Variants in XRCC4 observed in about 807,000 individuals in gnomAD.
XRCC4 encodes the protein X-ray repair cross complementing 4.
XRCC4 carries 28 observed loss-of-function variants against 39.1 expected under a neutral mutation model. That is an observed-to-expected ratio of 0.72 (90% CI 0.53 to 0.98). XRCC4 has a LOEUF of 0.98. XRCC4 is among the 50% of genes least tolerant of loss of function. The pLI is 0.00. For synonymous variants in XRCC4, 123 were observed against 126.4 expected (o/e 0.97, Z 0.18); for missense variants, 350 against 376.4 (o/e 0.93, Z 0.58).
At chr5:83,167,687 C>T (rs1749544795) in intron 3 of XRCC4, among the ~76,000 whole-genome samples, 1 of 152,190 alleles carries the variant, frequency 6.6e-6, no homozygotes, top group South Asian at 2.1e-4. Context: ...AGAATTTACA[C>T]TGTCCTCATA....
At chr5:83,254,903 A>G (rs891726639) in intron 6 of XRCC4, among the ~76,000 whole-genome samples, 1 of 152,120 alleles carries the variant, frequency 6.6e-6, no homozygotes, top group Non-Finnish European at 1.5e-5. Context: ...TCTGGCCAAC[A>G]TGGTGAAACC....
intron 6 of XRCC4, among the ~76,000 whole-genome samples, chr5:83,226,108 C>T (rs1752281506): frequency 1.3e-5 from 2 of 152,000 alleles, no homozygotes; most frequent in Non-Finnish European, 2.9e-5. Context: ...CGTGTGCCCA[C>T]TTAAAAGTGC....
At chr5:83,258,497 G>T (rs775510994) in intron 6 of XRCC4, 33 bp from the exon 7 acceptor site, 5 of 1,596,484 alleles carry the variant, frequency 3.1e-6, no homozygotes, top group South Asian at 1.1e-5. Context: ...GCATAATTTT[G>T]TTGGGTCACA....
chr5:83,330,776 G>C (rs796822091), intron 7 of XRCC4, among the ~76,000 whole-genome samples: 3 of 152,020 alleles, frequency 2.0e-5, no homozygotes, highest in African/African-American at 7.2e-5. Context: ...TGAAATCATT[G>C]AGGAGCAATT....
intron 1 of XRCC4, among the ~76,000 whole-genome samples, chr5:83,087,676 T>A (rs1048979675): frequency 1.3e-5 from 2 of 150,812 alleles, no homozygotes; most frequent in African/African-American, 2.4e-5. Context: ...AAAAAAAAAT[T>A]TTTTTTTTCC....
the XRCC4 span, among the ~76,000 whole-genome samples, chr5:83,361,033 G>T: frequency 6.6e-6 from 1 of 152,088 alleles, no homozygotes; most frequent in Non-Finnish European, 1.5e-5. Context: ...TGGGTTTGGG[G>T]ACCAGATCAA....
chr5:83,357,524 C>A (rs985534492), downstream of XRCC4, among the ~76,000 whole-genome samples: 5 of 151,740 alleles, frequency 3.3e-5, no homozygotes, highest in African/African-American at 1.2e-4. Context: ...GGTACTGGGG[C>A]TGGGTTTGGG....
At chr5:83,092,188 C>T (rs142555173) in intron 1 of XRCC4, among the ~76,000 whole-genome samples, 122 of 152,186 alleles carry the variant, frequency 8.0e-4, no homozygotes, top group Non-Finnish European at 1.5e-3. Context: ...GTCAATAGCT[C>T]ACGTTTTTAT....
At chr5:83,091,975 A>C (rs1745449498) in intron 1 of XRCC4, among the ~76,000 whole-genome samples, 2 of 152,172 alleles carry the variant, frequency 1.3e-5, no homozygotes, top group Non-Finnish European at 2.9e-5. Flanking sequence ...TTATGTTCCT[A>C]CCAACAGGAT....
chr5:83,223,409 A>G (rs934453524), intron 6 of XRCC4, among the ~76,000 whole-genome samples: 8 of 152,120 alleles, frequency 5.3e-5, no homozygotes, highest in African/African-American at 1.9e-4. Context: ...GGGTGCAGAT[A>G]TAACAATTGT....
chr5:83,357,843 CT>C (rs1757207387), downstream of XRCC4, among the ~76,000 whole-genome samples: 1 of 152,086 alleles, frequency 6.6e-6, no homozygotes, highest in African/African-American at 2.4e-5. Flanking sequence ...CAACCCTTGC[CT>C]TTTCATGTCT....
At chr5:83,261,680 C>T (rs991113244) in intron 7 of XRCC4, among the ~76,000 whole-genome samples, 1 of 146,176 alleles carries the variant, frequency 6.8e-6, no homozygotes, top group South Asian at 2.1e-4. Flanking sequence ...GTTTTCTCAT[C>T]TAAAAATGAA....
chr5:83,082,152 A>G (rs1378519884), intron 1 of XRCC4, among the ~76,000 whole-genome samples: 5 of 152,208 alleles, frequency 3.3e-5, no homozygotes, highest in Admixed American at 2.6e-4. Flanking sequence ...CCTGGATTAT[A>G]GTAATTGTGT....
chr5:83,265,978 A>T (rs1182557146), intron 7 of XRCC4, among the ~76,000 whole-genome samples: 3 of 152,062 alleles, frequency 2.0e-5, no homozygotes, highest in Non-Finnish European at 4.4e-5. Flanking sequence ...TGTTTATAGG[A>T]GACTTTTATA....
intron 7 of XRCC4, among the ~76,000 whole-genome samples, chr5:83,327,896 T>C (rs1756315518): frequency 6.6e-6 from 1 of 152,074 alleles, no homozygotes; most frequent in Non-Finnish European, 1.5e-5. Flanking sequence ...TTCCATACTG[T>C]ATTGGAGGTC....
Position 83,242,901 on chromosome 5 carries a change from T to C in XRCC4, c.746-15629T>C, listed in dbSNP as rs541030413. ...TCCACAGTGAGATTAAGTAGTTTGC[T>C]CAAGATTACACAGATGGTAAGCAGG... On this transcript the variant is annotated intron_variant, in intron 6 of 7. Transcript: ENST00000396027. 5.3e-5 allele frequency among the ~76,000 whole-genome samples: 8 copies of C among 152,296 alleles called. No homozygotes were observed. The East Asian group carries it at 1.5e-3, about 29-fold the overall frequency.
At chr5:83,347,717 T>C (rs1447951286) in intron 7 of XRCC4, among the ~76,000 whole-genome samples, 1 of 152,136 alleles carries the variant, frequency 6.6e-6, no homozygotes, top group Admixed American at 6.6e-5. Flanking sequence ...TTTCAAAACA[T>C]GATCATGCAT....
intron 3 of XRCC4, among the ~76,000 whole-genome samples, chr5:83,148,260 T>C (rs16900190): frequency 0.015 from 2,217 of 152,332 alleles, 63 homozygotes; most frequent in African/African-American, 0.051. Context: ...AGGTGCTTGA[T>C]AAAATATAGC....
chr5:83,162,793 A>G (rs2112589630), intron 3 of XRCC4, among the ~76,000 whole-genome samples: 1 of 152,288 alleles, frequency 6.6e-6, no homozygotes, highest in Admixed American at 6.5e-5. Context: ...TCTTGTCCCT[A>G]GTGGTCACCA....
Sources: allele counts gnomAD v4.1 joint callset (sites outside exome capture counted in the v4.1 genomes callset), GRCh38; gene constraint gnomAD v4.1.1; transcripts MANE v1.5; gene names NCBI Gene and HGNC (gene_info 2026-07-23, HGNC 2026-07-21).